EXOSC9: variants seen among roughly 807,000 people sequenced by gnomAD.
EXOSC9 encodes exosome complex component RRP45.
In EXOSC9, 38 loss-of-function variants were observed where a neutral mutation model predicts 56.5. The observed-to-expected ratio is 0.67, with a 90% CI of 0.52 to 0.88. The LOEUF (loss-of-function observed/expected upper bound fraction) is 0.88, where lower values mean the gene tolerates loss of function less well. EXOSC9 is among the 40% of genes least tolerant of loss of function. The pLI, the probability that EXOSC9 is intolerant of heterozygous loss-of-function variation, is 0.00. For synonymous variants in EXOSC9, 170 were observed against 170.8 expected (o/e 0.99, Z 0.04); for missense variants, 559 against 530.5 (o/e 1.05, Z -0.53).
intron 6 of EXOSC9, among the ~76,000 whole-genome samples, chr4:121,809,539 A>G (rs1727144035): frequency 6.6e-6 from 1 of 152,164 alleles, no homozygotes; most frequent in Non-Finnish European, 1.5e-5. Flanking sequence ...AATGTACCGG[A>G]CAGTGCAGAA....
In EXOSC9 at chr4:121,811,744, A is replaced by G. The variant is rs4295291; in HGVS notation, c.827+73A>G. The stretch of plus-strand genomic sequence containing the variant: ...AATTTTTATTATTTTTTTTAGTATA[A>G]GCAAGCTTTATTATGCATGAACTTG... On this transcript the variant is annotated intron_variant, in intron 8 of 11. Transcript: ENST00000243498. 482,591 of 639,820 alleles carry G rather than the reference A, an allele frequency of 0.75. 183,844 individuals are homozygous for G. Among genetic ancestry groups the G allele is most frequent in the African/African-American group, 0.89 (47,228 of 52,820 alleles). 39.6% of individuals were successfully genotyped at this position (639,820 alleles called of 1,614,324 possible). A position where few individuals can be genotyped will look rare whatever the true frequency, so the allele number is the denominator to read the frequency against.
chr4:121,816,640 A>G (rs1316742794), intron 11 of EXOSC9, 132 bp from the exon 12 acceptor site: 8 of 956,846 alleles, frequency 8.4e-6, no homozygotes, highest in Middle Eastern at 2.8e-4. Flanking sequence ...TATAATATAA[A>G]CTTCTTGGAT....
intron 8 of EXOSC9, 96 bp from the exon 9 acceptor site, chr4:121,813,138 A>G: frequency 8.5e-7 from 1 of 1,172,662 alleles, no homozygotes; most frequent in South Asian, 1.7e-5. Context: ...TTCATCCACC[A>G]AAGGATAAAA....
At chr4:121,806,237 C>T (rs908935620) in intron 5 of EXOSC9, among the ~76,000 whole-genome samples, 1 of 152,030 alleles carries the variant, frequency 6.6e-6, no homozygotes, top group African/African-American at 2.4e-5. Flanking sequence ...ACTGCAGCCT[C>T]CGCCTCCCGG....
At chr4:121,807,708 A>T (rs1046916934) in intron 6 of EXOSC9, 86 bp downstream of exon 6, 1 of 832,710 alleles carries the variant, frequency 1.2e-6, no homozygotes, top group African/African-American at 1.7e-5. Flanking sequence ...TTAATATTAA[A>T]CAAACACTTC....
chr4:121,803,375 GTA>G (rs1450911057), intron 4 of EXOSC9, among the ~76,000 whole-genome samples: 2 of 151,998 alleles, frequency 1.3e-5, no homozygotes, highest in African/African-American at 4.8e-5. Flanking sequence ...ATAGAAGCAG[GTA>G]GTTTTCCTTT....
At chr4:121,811,699 TC>T in intron 8 of EXOSC9, 28 bp downstream of exon 8, 1 of 1,108,904 alleles carries the variant, frequency 9.0e-7, no homozygotes, top group Non-Finnish European at 1.3e-6. Context: ...AACTAAGTGG[TC>T]TTTTATTTTC....
chr4:121,808,058 C>T (rs1388971062), intron 6 of EXOSC9, among the ~76,000 whole-genome samples: 2 of 152,094 alleles, frequency 1.3e-5, no homozygotes, highest in Non-Finnish European at 2.9e-5. Flanking sequence ...GGTTCACAGA[C>T]TGGAGGAAAA....
Position 121,813,907 on chromosome 4 carries a change from T to C in EXOSC9, c.1016T>C (p.Ile339Thr). The C allele has an allele frequency of 6.2e-7, 1 of 1,613,482 alleles. No individual in the cohort carries two copies. Among genetic ancestry groups the C allele is most frequent in the African/African-American group, 1.3e-5 (1 of 74,970 alleles). ...PVLWTPGTAQ[I>T]GEGVENSWGD... Reference sequence around the variant, plus strand: ...CTATGGACTCCTGGAACTGCCCAAATTGGAGAGGGAGTAGAAAACTCCTGG... The same window carrying C: ...CTATGGACTCCTGGAACTGCCCAAACTGGAGAGGGAGTAGAAAACTCCTGG... Residue 339 changes from isoleucine (I) to threonine (T), a missense_variant, in exon 10 of 12, where the codon ATT (isoleucine) becomes ACT (threonine). By Grantham distance (89) the Ile-to-Thr change is moderately conservative. Transcript: ENST00000243498.
chr4:121,814,160 G>T (rs1026780651), intron 10 of EXOSC9, 113 bp downstream of exon 10: 10 of 638,072 alleles, frequency 1.6e-5, no homozygotes, highest in African/African-American at 1.3e-4. Flanking sequence ...ACTGTATATA[G>T]TAATATATAG....
In EXOSC9 at chr4:121,808,420, C is replaced by T. The variant is rs1039496518; in HGVS notation, c.605+798C>T. Among the ~76,000 whole-genome samples, 7 of 152,216 alleles carry T rather than the reference C, an allele frequency of 4.6e-5. No homozygotes were observed. The East Asian group carries it at 1.2e-3, about 25-fold the overall frequency. On this transcript the variant is annotated intron_variant, in intron 6 of 11. Coordinates refer to ENST00000243498, the MANE Select transcript of EXOSC9 (RefSeq NM_005033.3). ...TGTTGCCCAATTTGGATTTCAGCAG[C>T]GTGATTTTTGCTCATTACAACCTCT...
chr4:121,807,205 G>A (rs1479761910), intron 5 of EXOSC9, among the ~76,000 whole-genome samples: 2 of 152,082 alleles, frequency 1.3e-5, no homozygotes, highest in African/African-American at 2.4e-5. Context: ...TAGGAGAATC[G>A]CATGAGCCCA....
chr4:121,815,157 T>C (rs527329192), intron 10 of EXOSC9: 1 of 158,830 alleles, frequency 6.3e-6, no homozygotes, highest in African/African-American at 2.4e-5. Flanking sequence ...TTTGGTATTA[T>C]TCTTCCAGAA....
intron 10 of EXOSC9, 42 bp from the exon 11 acceptor site, chr4:121,816,327 C>T: frequency 9.4e-7 from 1 of 1,065,846 alleles, no homozygotes; most frequent in Non-Finnish European, 1.3e-6. Flanking sequence ...CAAGAGATTG[C>T]TTAACTTTTT....
chr4:121,811,877 C>G (rs530771723), intron 8 of EXOSC9, among the ~76,000 whole-genome samples: 2 of 152,204 alleles, frequency 1.3e-5, no homozygotes, highest in Admixed American at 6.5e-5. Context: ...GGTAGTGAAA[C>G]TGGTAACAGA....
rs1803183 is a variant in EXOSC9 at position 121,813,987 on chromosome 4, A to G, written c.1096A>G (p.Ile366Val). 0.03 allele frequency: 47,669 copies of G among 1,613,248 alleles called. 2,719 individuals are homozygous for G. The highest frequency in any genetic ancestry group is 0.24 in the African/African-American group (18,326 of 74,858). The change falls in exon 10 of 12, where the codon ATC becomes GTC. Residue 366 changes from isoleucine to valine, a missense_variant. By Grantham distance (29) the Ile-to-Val change is conservative (BLOSUM62 3). Coordinates refer to ENST00000243498, the MANE Select transcript of EXOSC9 (RefSeq NM_005033.3). ...TGATGAAGGCGGTGGTGATCAAGCT[A>G]TCATTCTTGATGGTATAAAAATGGA... is the stretch of plus-strand genomic sequence containing the variant. ...EDDEGGGDQA[I>V]ILDGIKMDTG...
At chr4:121,815,468 T>C (rs961012828) in intron 10 of EXOSC9, 41 of 985,190 alleles carry the variant, frequency 4.2e-5, no homozygotes, top group African/African-American at 5.2e-5. Flanking sequence ...GAGAAACTAA[T>C]TGAAAACTAA....
chr4:121,813,986 T>G lies in EXOSC9; in HGVS notation c.1095T>G (p.Ala365=). The change falls in exon 10 of 12, where the codon GCT becomes GCG. Residue 365 remains alanine, a synonymous_variant. Coordinates refer to ENST00000243498, the MANE Select transcript of EXOSC9 (RefSeq NM_005033.3). The part of the protein sequence containing the change: ...KEDDEGGGDQ[A]IILDGIKMDT... ...ATGATGAAGGCGGTGGTGATCAAGC[T>G]ATCATTCTTGATGGTATAAAAATGG... 1 of 1,613,578 alleles carries G rather than the reference T, an allele frequency of 6.2e-7. No individual in the cohort carries two copies. Among genetic ancestry groups the G allele is most frequent in the Non-Finnish European group, 8.5e-7 (1 of 1,179,578 alleles).
intron 4 of EXOSC9, among the ~76,000 whole-genome samples, chr4:121,804,233 C>G (rs1035949983): frequency 2.9e-4 from 41 of 143,402 alleles, no homozygotes; most frequent in African/African-American, 1.0e-3. Flanking sequence ...AGGCTGGTCT[C>G]GAACTCCTAG....
Sources: gnomAD v4.1 joint callset for allele counts (sites outside exome capture counted in the v4.1 genomes callset) on GRCh38, gnomAD v4.1.1 for gene constraint, MANE v1.5 for transcripts, NCBI Gene and HGNC (gene_info 2026-07-23, HGNC 2026-07-21) for gene names.